Variants in SLC12A6 observed in about 807,000 individuals in gnomAD.
SLC12A6 encodes the protein K-Cl cotransporter 3.
SLC12A6 carries 66 observed loss-of-function variants against 135.3 expected under a neutral mutation model. The observed-to-expected ratio is 0.49, with a 90% CI of 0.40 to 0.60. The LOEUF is 0.60. Ranked by LOEUF, SLC12A6 falls within the 20% of genes least tolerant of loss-of-function variation. SLC12A6 has a pLI of 0.00. For synonymous variants in SLC12A6, 513 were observed against 508.8 expected, an observed-to-expected ratio of 1.01 and a Z score of -0.11; for missense variants, 1,058 against 1,452.3, an observed-to-expected ratio of 0.73 and a Z score of 4.41.
chr15:34,281,990 CA>C (rs141116147), intron 2 of SLC12A6, among the ~76,000 whole-genome samples: 29 of 149,100 alleles, frequency 1.9e-4, no homozygotes, highest in East Asian at 5.9e-4. Context: ...CTACATATGC[CA>C]AAAAAAAATA....
At chr15:34,304,787 T>C (rs965931011) in intron 2 of SLC12A6, among the ~76,000 whole-genome samples, 13 of 152,238 alleles carry the variant, frequency 8.5e-5, no homozygotes, top group Non-Finnish European at 1.8e-4. Context: ...CTCTGAACTA[T>C]GCATCCTTTG....
Position 34,251,025 on chromosome 15 carries a change from C to T in SLC12A6, c.1366G>A (p.Glu456Lys). 6.2e-7 allele frequency: 1 copy of T among 1,611,616 alleles called. No homozygotes were observed. Among genetic ancestry groups the T allele is most frequent in the Non-Finnish European group, 8.5e-7 (1 of 1,177,888 alleles). The change falls in exon 11 of 26, where the codon GAG (glutamate) becomes AAG (lysine). Residue 456 changes from glutamate (E) to lysine (K), a missense_variant. By Grantham distance (56) the Glu-to-Lys change is moderately conservative. This residue lies in a region of SLC12A6 where 297 missense variants were observed against 318.5 expected (regional missense o/e 0.93). Transcript: ENST00000354181. Reference protein sequence around the residue: ...NLWSNYLPKGEIIEKPSAKSS... With the variant: ...NLWSNYLPKGKIIEKPSAKSS... ...TTGGCTGAAGGCTTTTCGATGATCT[C>T]TCCCTTGGGTAGGTAATTACTCCAA...
At chr15:34,301,927 G>C (rs571364291) in intron 2 of SLC12A6, among the ~76,000 whole-genome samples, 3 of 152,330 alleles carry the variant, frequency 2.0e-5, no homozygotes, top group African/African-American at 7.2e-5. Flanking sequence ...AGTGTCCCAA[G>C]CAAGAGAAAT....
intron 21 of SLC12A6, 37 bp downstream of exon 21, chr15:34,238,195 A>T: frequency 6.9e-7 from 1 of 1,456,022 alleles, no homozygotes. Context: ...GACAGAAGGG[A>T]GAAAGACTTT....
At position 34,235,152 on chromosome 15, in the gene SLC12A6, A is replaced by G. The variant is rs781705649; in HGVS notation, c.3361+29T>C. 5 of 1,606,516 alleles carry G rather than the reference A, an allele frequency of 3.1e-6. No individual in the cohort carries two copies. In the East Asian group the frequency reaches 6.7e-5, roughly 21 times the overall value. ...GAAAGAGGTTAAGGAGATTTTCCCT[A>G]CTGGAAGCCCCACTCTTGGAAAGGA... On this transcript the variant is annotated intron_variant, in intron 25 of 25. Coordinates refer to ENST00000354181, the MANE Select transcript of SLC12A6 (RefSeq NM_001365088.1).
At position 34,257,710 on chromosome 15, in the gene SLC12A6, G is replaced by T; in HGVS notation, c.622C>A (p.Leu208Ile). ...CCAGCTGTGCCCACCACCCATGTAA[G>T]GCGTAAAAAAAGGATCACTCCAAAA... ...NIFGVILFLR[L>I]TWVVGTAGVL... The change falls in exon 6 of 26, where the codon CTT becomes ATT. Residue 208 changes from leucine to isoleucine, a missense_variant. Leu to Ile is a conservative substitution (Grantham distance 5, BLOSUM62 2). This residue lies in a region of SLC12A6 where 139 missense variants were observed against 202.2 expected (regional missense o/e 0.69). Transcript: ENST00000354181. 6.2e-7 allele frequency: 1 copy of T among 1,611,632 alleles called. No individual in the cohort carries two copies. Among genetic ancestry groups the T allele is most frequent in the Non-Finnish European group, 8.5e-7 (1 of 1,177,896 alleles).
chr15:34,238,872 CAT>C (rs1891452561), intron 20 of SLC12A6, 91 bp downstream of exon 20: 1 of 1,110,756 alleles, frequency 9.0e-7, no homozygotes, highest in African/African-American at 1.5e-5. Context: ...TCAGCAATGG[CAT>C]AGTCTCTACT....
chr15:34,237,291 T>TA, intron 22 of SLC12A6, 128 bp downstream of exon 22: 1 of 736,784 alleles, frequency 1.4e-6, no homozygotes, highest in Non-Finnish European at 2.2e-6. Flanking sequence ...TTTTTTGTTT[T>TA]TTTTTTGGCA....
chr15:34,288,169 G>T (rs1297424310), intron 2 of SLC12A6, among the ~76,000 whole-genome samples: 1 of 152,138 alleles, frequency 6.6e-6, no homozygotes, highest in East Asian at 1.9e-4. Flanking sequence ...GTGTAAGGGG[G>T]TCCAGTGTCA....
intron 2 of SLC12A6, chr15:34,318,459 CTT>C: frequency 1.1e-6 from 1 of 936,924 alleles, no homozygotes; most frequent in East Asian, 2.4e-5. Context: ...AACCACAACA[CTT>C]TTCTCTGTCC....
chr15:34,236,712 C>G lies in SLC12A6; in HGVS notation c.3038G>C (p.Arg1013Thr). 1 of 1,552,546 alleles carries G rather than the reference C, an allele frequency of 6.4e-7. No individual in the cohort carries two copies. Among genetic ancestry groups the G allele is most frequent in the South Asian group, 1.1e-5 (1 of 89,824 alleles). ...ATTGATGCAGTAATGTCTCACCTCT[C>G]TGTCTCGCTCTGTTTTGGATAGCCG... is the stretch of plus-strand genomic sequence containing the variant. ...HMRLSKTERD[R>T]EAQLVKDRNS... Residue 1013 changes from arginine to threonine, a missense_variant, in exon 23 of 26, where the codon AGA becomes ACA. Physicochemically the swap from Arg to Thr is moderately conservative, Grantham distance 71. This residue lies in a region of SLC12A6 where 245 missense variants were observed against 440.8 expected (regional missense o/e 0.56). Coordinates refer to ENST00000354181, the MANE Select transcript of SLC12A6 (RefSeq NM_001365088.1).
chr15:34,277,182 C>T (rs894747086), intron 2 of SLC12A6, among the ~76,000 whole-genome samples: 44 of 152,288 alleles, frequency 2.9e-4, no homozygotes, highest in African/African-American at 1.0e-3. Flanking sequence ...TGCCTGTTAT[C>T]CCAGTATTTT....
At chr15:34,245,560 G>A in intron 14 of SLC12A6, 133 bp downstream of exon 14, 2 of 928,484 alleles carry the variant, frequency 2.2e-6, no homozygotes, top group Non-Finnish European at 3.6e-6. Context: ...TCATGCTTGG[G>A]ATTTAGAGGT....
chr15:34,312,506 AAT>A (rs1398421756), intron 2 of SLC12A6, among the ~76,000 whole-genome samples: 1 of 152,192 alleles, frequency 6.6e-6, no homozygotes, highest in African/African-American at 2.4e-5. Context: ...AGATTATTAT[AAT>A]ACAGTGTGTG....
At chr15:34,290,629 T>A (rs1346209588) in intron 2 of SLC12A6, among the ~76,000 whole-genome samples, 1 of 152,206 alleles carries the variant, frequency 6.6e-6, no homozygotes, top group Non-Finnish European at 1.5e-5. Flanking sequence ...TGTAGGTCTC[T>A]AAGAACTTGC....
intron 3 of SLC12A6, among the ~76,000 whole-genome samples, chr15:34,267,892 C>G (rs982489899): frequency 7.2e-5 from 11 of 151,968 alleles, no homozygotes; most frequent in Admixed American, 7.2e-4. Context: ...TACTACTAAG[C>G]TACTGTTTAA....
At chr15:34,264,605 C>A (rs535186722) in intron 3 of SLC12A6, among the ~76,000 whole-genome samples, 6 of 152,068 alleles carry the variant, frequency 3.9e-5, no homozygotes, top group African/African-American at 9.7e-5. Flanking sequence ...TGACTCAACA[C>A]ATCAAAGGTA....
rs116621124 is a variant in SLC12A6 at position 34,320,509 on chromosome 15, T to A, written c.271+15901A>T. Among the ~76,000 whole-genome samples, 605 of 151,578 alleles carry A rather than the reference T, an allele frequency of 4.0e-3. 4 individuals carry two copies. Among genetic ancestry groups the A allele is most frequent in the African/African-American group, 0.014 (564 of 41,324 alleles). ...AGGAAGGGTAGGGGGGAAGGAGGAT[T>A]AAAGAGGAAAAAAAGAAGGTAAATA... On this transcript the variant is annotated intron_variant, in intron 2 of 25. Transcript: ENST00000354181.
intron 13 of SLC12A6, among the ~76,000 whole-genome samples, chr15:34,247,943 A>C (rs1307203762): frequency 6.6e-6 from 1 of 152,102 alleles, no homozygotes; most frequent in African/African-American, 2.4e-5. Flanking sequence ...GACCTCAAAC[A>C]ATCTTCTAGC....
Sources: allele counts gnomAD v4.1 joint callset (sites outside exome capture counted in the v4.1 genomes callset), GRCh38; gene constraint gnomAD v4.1.1; regional missense constraint gnomAD v4.1.1; transcripts MANE v1.5; gene names NCBI Gene and HGNC (gene_info 2026-07-23, HGNC 2026-07-21).